Variants in GNAO1 observed in about 807,000 individuals in gnomAD.
GNAO1 encodes guanine nucleotide-binding protein G(o) subunit alpha.
For synonymous variants in GNAO1, 164 were observed against 180.7 expected (o/e 0.91, Z 0.74); for missense variants, 166 against 478.7 (o/e 0.35, Z 6.10).
At chr16:56,203,335 C>T (rs1182618859) in intron 2 of GNAO1, among the ~76,000 whole-genome samples, 6 of 152,080 alleles carry the variant, frequency 3.9e-5, no homozygotes, top group African/African-American at 1.2e-4. Flanking sequence ...CAGGGATGGG[C>T]ATGTGACTCA....
At chr16:56,205,106 A>G (rs2036315310) in intron 2 of GNAO1, among the ~76,000 whole-genome samples, 1 of 152,220 alleles carries the variant, frequency 6.6e-6, no homozygotes, top group African/African-American at 2.4e-5. Flanking sequence ...GGAATTGTGG[A>G]CACCAGTGCA....
chr16:56,256,718 C>CTCTG (rs1295470655), intron 2 of GNAO1, among the ~76,000 whole-genome samples: 276 of 72,260 alleles, frequency 3.8e-3, no homozygotes, highest in Middle Eastern at 7.9e-3. Flanking sequence ...CTCTCTCTCT[C>CTCTG]TGTGTGTGTG....
At chr16:56,286,939 G>A (rs1021816530) in intron 3 of GNAO1, among the ~76,000 whole-genome samples, 1 of 152,206 alleles carries the variant, frequency 6.6e-6, no homozygotes, top group Non-Finnish European at 1.5e-5. Context: ...TGCCATTGGG[G>A]CTACCAGCTG....
At chr16:56,276,263 C>A in intron 3 of GNAO1, 191 bp downstream of exon 3, 1 of 469,018 alleles carries the variant, frequency 2.1e-6, no homozygotes, top group Non-Finnish European at 3.7e-6. Context: ...AGCAAACTCA[C>A]CAACTTTGCA....
chr16:56,234,903 G>T (rs1028969489), intron 2 of GNAO1: 2 of 186,566 alleles, frequency 1.1e-5, no homozygotes, highest in Non-Finnish European at 2.3e-5. Flanking sequence ...GGGGTGGGCA[G>T]TGTGTGGCCA....
intron 6 of GNAO1, chr16:56,344,133 G>A (rs1296908730): frequency 1.9e-5 from 28 of 1,443,268 alleles, no homozygotes; most frequent in African/African-American, 4.3e-5. Flanking sequence ...TTGTGGTAAC[G>A]CAGGGGCGGG....
At chr16:56,232,104 G>C (rs566032742) in intron 2 of GNAO1, among the ~76,000 whole-genome samples, 1 of 152,042 alleles carries the variant, frequency 6.6e-6, no homozygotes, top group East Asian at 1.9e-4. Flanking sequence ...AGGCGTTGAC[G>C]GATGTCTGCT....
intron 2 of GNAO1, among the ~76,000 whole-genome samples, chr16:56,238,552 A>G (rs77789674): frequency 0.012 from 1,835 of 152,308 alleles, 44 homozygotes; most frequent in African/African-American, 0.042. Context: ...CTGCTGCAAG[A>G]ACATTTGTTG....
chr16:56,224,110 G>T (rs1258129559), intron 2 of GNAO1, among the ~76,000 whole-genome samples: 1 of 152,310 alleles, frequency 6.6e-6, no homozygotes, highest in African/African-American at 2.4e-5. Flanking sequence ...GCCAGTGCCT[G>T]TCTGGCCAGT....
At position 56,356,746 on chromosome 16, in the gene GNAO1, A is replaced by C. The variant is rs985439341; in HGVS notation, c.*672A>C. The C allele has an allele frequency of 1.3e-5, 2 of 151,596 alleles. No homozygotes were observed. The highest frequency in any genetic ancestry group is 2.4e-5 in the African/African-American group (1 of 41,104). The allele number at this position is 151,596 out of a possible 1,614,324, so 9.4% of individuals were successfully genotyped here. On this transcript the variant is annotated 3_prime_UTR_variant, in exon 9 of 9. Coordinates refer to ENST00000262493, the MANE Select transcript of GNAO1 (RefSeq NM_020988.3). The stretch of plus-strand genomic sequence containing the variant: ...CTGCCCACCGACCCCCTTTCTAAGG[A>C]TAGCCTTTGTAGGGGTTTTTTGGTT...
intron 2 of GNAO1, among the ~76,000 whole-genome samples, chr16:56,269,571 G>A (rs140908750): frequency 9.5e-4 from 145 of 152,274 alleles, no homozygotes; most frequent in African/African-American, 2.6e-3. Flanking sequence ...GAACAGATGC[G>A]GAAACAAGCA....
At chr16:56,254,943 C>T (rs1335307688) in intron 2 of GNAO1, among the ~76,000 whole-genome samples, 1 of 152,148 alleles carries the variant, frequency 6.6e-6, no homozygotes, top group Non-Finnish European at 1.5e-5. Flanking sequence ...CTGTTCCTCC[C>T]TCCAAGATGT....
intron 2 of GNAO1, among the ~76,000 whole-genome samples, chr16:56,223,157 C>T (rs1428383970): frequency 1.3e-5 from 2 of 152,186 alleles, no homozygotes; most frequent in Non-Finnish European, 2.9e-5. Context: ...GCTGTGTTCC[C>T]TTCTGGGGCT....
intron 2 of GNAO1, among the ~76,000 whole-genome samples, chr16:56,210,973 C>G (rs1488788311): frequency 6.6e-6 from 1 of 152,028 alleles, no homozygotes; most frequent in Non-Finnish European, 1.5e-5. Flanking sequence ...TAAATTGATC[C>G]ACCTTAATTG....
intron 2 of GNAO1, among the ~76,000 whole-genome samples, chr16:56,271,781 A>G (rs1451659636): frequency 1.3e-5 from 2 of 152,162 alleles, no homozygotes; most frequent in African/African-American, 2.4e-5. Context: ...CATTTGTTTT[A>G]TACTTACTAT....
At chr16:56,279,388 C>T (rs955526143) in intron 3 of GNAO1, among the ~76,000 whole-genome samples, 5 of 152,180 alleles carry the variant, frequency 3.3e-5, no homozygotes, top group African/African-American at 9.7e-5. Flanking sequence ...GAGCAAACAG[C>T]AGGGACCTCC....
rs1390564109 is a variant in GNAO1 at position 56,311,271 on chromosome 16, CCAG to C, written c.304-17359_304-17357del. Among the ~76,000 whole-genome samples the C allele has an allele frequency of 1.3e-5, 2 of 151,978 alleles. No homozygotes were observed. The stretch of plus-strand genomic sequence containing the variant: ...CCTTGGAGGGGAGTGGAACCTGAGC[CCAG>C]GTGGCATTTGGTGGCCCTGTAGTTT... On this transcript the variant is annotated intron_variant, in intron 3 of 8. Transcript: ENST00000262493. This position sits in a 1 kb window ranked among gnomAD's most constrained non-coding sequence, Gnocchi z 5.2.
intron 2 of GNAO1, among the ~76,000 whole-genome samples, chr16:56,273,621 G>A (rs1316745580): frequency 6.6e-6 from 1 of 152,272 alleles, no homozygotes; most frequent in East Asian, 1.9e-4. Context: ...TCTAGATTTT[G>A]TTGTTCTCAT....
intron 2 of GNAO1, chr16:56,245,728 A>G (rs1955613691): frequency 6.5e-6 from 1 of 152,920 alleles, no homozygotes; most frequent in East Asian, 1.9e-4. Context: ...GCTGGCCCCT[A>G]TAGAATCAAT....
Sources: allele counts gnomAD v4.1 joint callset (sites outside exome capture counted in the v4.1 genomes callset), GRCh38; gene constraint gnomAD v4.1.1; non-coding constraint Gnocchi (gnomAD v3.1); transcripts MANE v1.5; gene names NCBI Gene and HGNC (gene_info 2026-07-23, HGNC 2026-07-21).